RAB10: variants seen among roughly 807,000 people sequenced by gnomAD.
The protein encoded by RAB10 is ras-related protein Rab-10.
A neutral mutation model predicts 25.7 loss-of-function variants in RAB10; 5 were observed. The observed-to-expected ratio is 0.19, with a 90% CI of 0.10 to 0.41. The LOEUF is 0.41. RAB10 is among the 10% of genes least tolerant of loss of function. The pLI, the probability that RAB10 is intolerant of heterozygous loss-of-function variation, is 1.00. For synonymous variants in RAB10, 89 were observed against 86.4 expected (o/e 1.03, Z -0.16); for missense variants, 103 against 245.8 (o/e 0.42, Z 3.89).
intron 1 of RAB10, among the ~76,000 whole-genome samples, chr2:26,087,694 G>A (rs575972347): frequency 2.0e-5 from 3 of 152,272 alleles, no homozygotes; most frequent in African/African-American, 4.8e-5. Flanking sequence ...GAGCCACCAC[G>A]CCCAGCCTTT....
At chr2:26,084,495 TATGTTTTGGTACATGGTACACC>T (rs909777471) in intron 1 of RAB10, among the ~76,000 whole-genome samples, 21 of 152,326 alleles carry the variant, frequency 1.4e-4, no homozygotes, top group South Asian at 2.1e-4. Flanking sequence ...CCTAGTGTAT[TATGTTTTGGTACATGGTACACC>T]ATGTTTTGGT....
At chr2:26,066,240 C>T (rs548816461) in intron 1 of RAB10, among the ~76,000 whole-genome samples, 1 of 151,110 alleles carries the variant, frequency 6.6e-6, no homozygotes, top group East Asian at 1.9e-4. Flanking sequence ...GAACAATTAC[C>T]GATTTTTTTT....
At chr2:26,128,884 C>T (rs528453638) in intron 5 of RAB10, among the ~76,000 whole-genome samples, 83 of 152,224 alleles carry the variant, frequency 5.5e-4, no homozygotes, top group African/African-American at 1.8e-3. Context: ...TATTTTCCCT[C>T]GAGTGAATAG....
intron 1 of RAB10, among the ~76,000 whole-genome samples, chr2:26,089,044 T>C (rs576240374): frequency 2.8e-3 from 427 of 152,232 alleles, no homozygotes; most frequent in Non-Finnish European, 5.1e-3. Flanking sequence ...AAGTTGTGTT[T>C]GAATGTGACT....
At chr2:26,049,556 G>A (rs1559578376) in intron 1 of RAB10, among the ~76,000 whole-genome samples, 2 of 151,752 alleles carry the variant, frequency 1.3e-5, no homozygotes, top group Non-Finnish European at 1.5e-5. Flanking sequence ...TTACAGGCAC[G>A]CACCACCACG....
chr2:26,033,653 C>T (rs2149258432), upstream of RAB10, among the ~76,000 whole-genome samples: 1 of 152,376 alleles, frequency 6.6e-6, no homozygotes, highest in African/African-American at 2.4e-5. Context: ...CCCGTCGCTG[C>T]GCCAAGACCT....
intron 3 of RAB10, among the ~76,000 whole-genome samples, chr2:26,111,525 A>G (rs959313962): frequency 6.6e-6 from 1 of 151,162 alleles, no homozygotes; most frequent in African/African-American, 2.4e-5. Context: ...AATCGCTTGA[A>G]CCCAGGGGGT....
chr2:26,099,605 A>G (rs559439554), intron 2 of RAB10, among the ~76,000 whole-genome samples: 76 of 123,598 alleles, frequency 6.1e-4, no homozygotes, highest in African/African-American at 2.5e-3. Context: ...CAGTGGCGCT[A>G]TTTCGGCTCA....
chr2:26,087,331 T>A (rs554608367), intron 1 of RAB10, among the ~76,000 whole-genome samples: 2 of 152,348 alleles, frequency 1.3e-5, no homozygotes, highest in African/African-American at 4.8e-5. Flanking sequence ...ATATGTGAAA[T>A]GCTTAGCACT....
At chr2:26,081,941 TA>T (rs979953929) in intron 1 of RAB10, among the ~76,000 whole-genome samples, 1 of 152,088 alleles carries the variant, frequency 6.6e-6, no homozygotes, top group African/African-American at 2.4e-5. Flanking sequence ...TAAGGAATGT[TA>T]AAGGAAGTGT....
intron 4 of RAB10, 30 bp downstream of exon 4, chr2:26,127,263 CTCTG>C (rs770298563): frequency 6.8e-7 from 1 of 1,474,892 alleles, no homozygotes. Context: ...TGATACTCTG[CTCTG>C]TCTTTGTAAA....
chr2:26,113,029 G>A (rs538970412), intron 3 of RAB10, among the ~76,000 whole-genome samples: 47 of 152,060 alleles, frequency 3.1e-4, no homozygotes, highest in African/African-American at 1.1e-3. Flanking sequence ...AGGTTGCAGT[G>A]AGCCAAGATT....
chr2:26,098,109 C>CTTTTTTTT (rs57174956), intron 1 of RAB10, among the ~76,000 whole-genome samples: 37 of 52,714 alleles, frequency 7.0e-4, no homozygotes, highest in East Asian at 1.2e-3. Flanking sequence ...TTCTTTCTTT[C>CTTTTTTTT]TTTTTTTTTT....
Position 26,109,623 on chromosome 2 carries a change from T to G in RAB10, c.189-145T>G, listed in dbSNP as rs544312379. ...CTTCCTACTGTTTTCCCTTTCAGAT[T>G]TTCATCCAGTATGGGTAGGTTATTA... On this transcript the variant is annotated intron_variant, in intron 2 of 5. Transcript: ENST00000264710. The G allele has an allele frequency of 9.0e-4, 671 of 745,458 alleles. 12 individuals are homozygous for G. In the South Asian group the frequency reaches 0.029, roughly 32 times the overall value. 46.2% of individuals were successfully genotyped at this position (745,458 alleles called of 1,614,324 possible). A position where few individuals can be genotyped will look rare whatever the true frequency, so the allele number is the denominator to read the frequency against.
chr2:26,033,800 T>G (rs566803014), upstream of RAB10, among the ~76,000 whole-genome samples: 70 of 134,454 alleles, frequency 5.2e-4, 2 homozygotes, highest in South Asian at 0.016. Context: ...GAGGCGGGGG[T>G]CGGAGGGGGG....
intron 1 of RAB10, among the ~76,000 whole-genome samples, chr2:26,069,430 C>T (rs1430729892): frequency 6.6e-6 from 1 of 152,064 alleles, no homozygotes; most frequent in Non-Finnish European, 1.5e-5. Flanking sequence ...CCTGTAATCC[C>T]AGCACTGTGG....
intron 3 of RAB10, among the ~76,000 whole-genome samples, chr2:26,126,534 A>G (rs1667906957): frequency 6.6e-6 from 1 of 152,196 alleles, no homozygotes; most frequent in Non-Finnish European, 1.5e-5. Context: ...CGAAAGTTGC[A>G]GGAAGCCCAG....
chr2:26,073,424 A>G (rs1462964846), intron 1 of RAB10, among the ~76,000 whole-genome samples: 1 of 152,214 alleles, frequency 6.6e-6, no homozygotes, highest in African/African-American at 2.4e-5. Flanking sequence ...TTGCCATTGT[A>G]CTGGGCTTCC....
chr2:26,057,353 C>T (rs1265292114), intron 1 of RAB10, among the ~76,000 whole-genome samples: 1 of 151,374 alleles, frequency 6.6e-6, no homozygotes, highest in Non-Finnish European at 1.5e-5. Context: ...TGCTTGAGCC[C>T]AGGAATTTGA....
Sources: gnomAD v4.1 joint callset for allele counts (sites outside exome capture counted in the v4.1 genomes callset) on GRCh38, gnomAD v4.1.1 for gene constraint, MANE v1.5 for transcripts, NCBI Gene and HGNC (gene_info 2026-07-23, HGNC 2026-07-21) for gene names.